IL1RAPL1: variants seen among roughly 807,000 people sequenced by gnomAD.
The protein encoded by IL1RAPL1 is interleukin 1 receptor accessory protein like 1.
IL1RAPL1 carries 3 observed loss-of-function variants against 48.4 expected under a neutral mutation model. The observed-to-expected ratio is 0.06, with a 90% CI of 0.03 to 0.16. The LOEUF (loss-of-function observed/expected upper bound fraction) is 0.16, where lower values mean the gene tolerates loss of function less well. IL1RAPL1 is among the 10% of genes least tolerant of loss of function. The probability of loss-of-function intolerance (pLI) is 1.00; values close to 1 mark genes in which losing one functional copy is unlikely to be tolerated. For synonymous variants in IL1RAPL1, 185 were observed against 187.7 expected (o/e 0.99, Z 0.12); for missense variants, 349 against 530.6 (o/e 0.66, Z 3.36).
intron 5 of IL1RAPL1, among the ~76,000 whole-genome samples, chrX:29,613,759 T>TGTGTGTG (rs1924175577): frequency 1.5e-5 from 1 of 68,920 alleles, no homozygotes; most frequent in African/African-American, 5.3e-5. Flanking sequence ...GTGTGTGTGT[T>TGTGTGTG]TCTTTTTTTT....
intron 2 of IL1RAPL1, among the ~76,000 whole-genome samples, chrX:29,037,073 G>A (rs1926747362): frequency 1.8e-5 from 2 of 111,690 alleles, no homozygotes; most frequent in South Asian, 7.4e-4. Flanking sequence ...TCCCTTGAAG[G>A]CCCTGTGCTA....
chrX:29,785,266 A>G (rs1424946552), intron 6 of IL1RAPL1, among the ~76,000 whole-genome samples: 1 of 112,370 alleles, frequency 8.9e-6, no homozygotes, highest in African/African-American at 3.2e-5. Flanking sequence ...ACCATTCTTC[A>G]TCAGGGAAAT....
At chrX:28,766,873 C>T (rs758807641) in intron 1 of IL1RAPL1, among the ~76,000 whole-genome samples, 36 of 109,986 alleles carry the variant, frequency 3.3e-4, no homozygotes, top group Non-Finnish European at 5.7e-4. Context: ...GACAAGATCT[C>T]TTTTTTTTTA....
chrX:28,769,340 C>T (rs769042894), intron 1 of IL1RAPL1, among the ~76,000 whole-genome samples: 1 of 110,715 alleles, frequency 9.0e-6, no homozygotes, highest in South Asian at 3.8e-4. Context: ...CATAAAATGT[C>T]ACTTTTGTTA....
chrX:29,153,913 C>G (rs1929515611), intron 2 of IL1RAPL1, among the ~76,000 whole-genome samples: 1 of 112,032 alleles, frequency 8.9e-6, no homozygotes, highest in South Asian at 3.7e-4. Flanking sequence ...AGTACATAAA[C>G]TGAACACAAG....
At chrX:29,429,809 T>C (rs896909927) in intron 5 of IL1RAPL1, among the ~76,000 whole-genome samples, 10 of 110,071 alleles carry the variant, frequency 9.1e-5, no homozygotes, top group African/African-American at 2.0e-4. Flanking sequence ...TGCTCAGAAA[T>C]AGAAATGAAC....
chrX:29,950,833 C>T (rs1189220165), intron 9 of IL1RAPL1, among the ~76,000 whole-genome samples: 1 of 110,016 alleles, frequency 9.1e-6, no homozygotes, highest in African/African-American at 3.3e-5. Flanking sequence ...CCCGCAACCA[C>T]GCCTGGCTAA....
chrX:29,796,867 T>A (rs775694541), intron 6 of IL1RAPL1, among the ~76,000 whole-genome samples: 4 of 112,610 alleles, frequency 3.6e-5, no homozygotes, highest in Non-Finnish European at 7.5e-5. Flanking sequence ...GTCTTTCCTC[T>A]TGTTTCAAAT....
chrX:28,790,508 T>C (rs181662944), intron 2 of IL1RAPL1, among the ~76,000 whole-genome samples: 18 of 112,723 alleles, frequency 1.6e-4, no homozygotes, highest in Admixed American at 1.1e-3. Flanking sequence ...GGATAAAGTC[T>C]GAAGGGAAAC....
At chrX:29,262,791 TTTC>T (rs766345394) in intron 2 of IL1RAPL1, among the ~76,000 whole-genome samples, 1 of 112,309 alleles carries the variant, frequency 8.9e-6, no homozygotes, top group African/African-American at 3.2e-5. Context: ...ACAATAAATG[TTTC>T]TTCTTCTTTC....
In IL1RAPL1 at chrX:28,965,011, T is replaced by C. The variant is rs373936923; in HGVS notation, c.82+175586T>C. ...TGTATACTCTCCACTTGTGTAGAAT[T>C]GTAAAAGAATGTTATACACACACAC... On this transcript the variant is annotated intron_variant, in intron 2 of 10. Transcript: ENST00000378993. Among the ~76,000 whole-genome samples, 14 of 111,515 alleles carry C rather than the reference T, an allele frequency of 1.3e-4. No individual in the cohort carries two copies. In the East Asian group the frequency reaches 3.9e-3, roughly 31 times the overall value.
intron 6 of IL1RAPL1, among the ~76,000 whole-genome samples, chrX:29,732,756 G>A (rs1010175216): frequency 1.8e-5 from 2 of 111,776 alleles, no homozygotes; most frequent in African/African-American, 6.5e-5. Flanking sequence ...CAGGCCCAGG[G>A]CAGTTTTACT....
chrX:28,875,225 T>C (rs925117009), intron 2 of IL1RAPL1, among the ~76,000 whole-genome samples: 1 of 112,171 alleles, frequency 8.9e-6, no homozygotes, highest in African/African-American at 3.2e-5. Context: ...GATTATTCCA[T>C]TTTCTTCCTT....
At chrX:28,629,625 G>T (rs1020026405) in intron 1 of IL1RAPL1, among the ~76,000 whole-genome samples, 16 of 112,296 alleles carry the variant, frequency 1.4e-4, no homozygotes, top group Non-Finnish European at 2.8e-4. Context: ...GGAGATGGAA[G>T]AGCTAAAGAT....
At chrX:28,604,493 C>T (rs1222219525) in intron 1 of IL1RAPL1, among the ~76,000 whole-genome samples, 2 of 110,670 alleles carry the variant, frequency 1.8e-5, no homozygotes, top group Admixed American at 9.6e-5. Context: ...CTTTGGGAGG[C>T]CGAGGCGGGT....
chrX:28,932,232 G>A (rs1357257444), intron 2 of IL1RAPL1, among the ~76,000 whole-genome samples: 1 of 110,308 alleles, frequency 9.1e-6, no homozygotes, highest in Non-Finnish European at 1.9e-5. Context: ...TACAAATTGA[G>A]ATAGGGGTTG....
At chrX:28,913,107 T>A (rs889975686) in intron 2 of IL1RAPL1, among the ~76,000 whole-genome samples, 1 of 111,777 alleles carries the variant, frequency 8.9e-6, no homozygotes, top group Non-Finnish European at 1.9e-5. Flanking sequence ...GAGGTCCTAA[T>A]GAGCAATGTA....
intron 5 of IL1RAPL1, among the ~76,000 whole-genome samples, chrX:29,446,856 C>T (rs1357269369): frequency 2.7e-5 from 3 of 110,542 alleles, no homozygotes; most frequent in East Asian, 5.7e-4. Flanking sequence ...TGTATCAGCT[C>T]GCAAGAGACT....
intron 2 of IL1RAPL1, among the ~76,000 whole-genome samples, chrX:29,048,245 A>T (rs1381212674): frequency 8.9e-6 from 1 of 112,283 alleles, no homozygotes; most frequent in Non-Finnish European, 1.9e-5. Context: ...AAACCATCCA[A>T]GATAAGTTTT....
Sources: allele counts gnomAD v4.1 joint callset (sites outside exome capture counted in the v4.1 genomes callset), GRCh38; gene constraint gnomAD v4.1.1; transcripts MANE v1.5; gene names NCBI Gene and HGNC (gene_info 2026-07-23, HGNC 2026-07-21).